The following ADAR variants were observed in gnomAD, a reference collection of about 807,000 sequenced individuals.
ADAR encodes double-stranded RNA-specific adenosine deaminase.
ADAR carries 41 observed loss-of-function variants against 113.2 expected under a neutral mutation model. The ratio of observed to expected loss-of-function variants is 0.36; its 90% CI spans 0.28 to 0.47. ADAR has a LOEUF of 0.47. ADAR is among the 20% of genes least tolerant of loss of function. ADAR has a pLI of 1.00. For missense variants in ADAR, 1,242 were observed against 1,540.9 expected (o/e 0.81, Z 3.25); for synonymous variants, 605 against 572.6 (o/e 1.06, Z -0.81).
chr1:154,591,048 T>C (rs145821749), intron 6 of ADAR, among the ~76,000 whole-genome samples: 1 of 152,190 alleles, frequency 6.6e-6, no homozygotes, highest in African/African-American at 2.4e-5. Flanking sequence ...ATAGGAAACT[T>C]TGTTTCACTA....
intron 1 of ADAR, among the ~76,000 whole-genome samples, chr1:154,620,380 T>C (rs1350127535): frequency 1.5e-4 from 22 of 151,406 alleles, no homozygotes. Context: ...CACTCCAGCC[T>C]GGGTAACAGA....
Position 154,582,935 on chromosome 1 carries a change from T to C in ADAR, c.*1871A>G, listed in dbSNP as rs1228582826. The C allele has an allele frequency of 6.6e-6, 1 of 152,262 alleles. No individual in the cohort carries two copies. 9.4% of individuals were successfully genotyped at this position (152,262 alleles called of 1,614,324 possible). On this transcript the variant is annotated 3_prime_UTR_variant, in exon 15 of 15. Transcript: ENST00000368474. ...CCAGTTCCTTGGGATGCTTTGGTGT[T>C]CTGCAAAGGCATCCTTAGTCTATTT... is the stretch of plus-strand genomic sequence containing the variant.
chr1:154,615,812 A>G (rs1211241503), intron 1 of ADAR, among the ~76,000 whole-genome samples: 1 of 152,222 alleles, frequency 6.6e-6, no homozygotes, highest in East Asian at 1.9e-4. Context: ...CTAGGAAGAT[A>G]CCATTAATTT....
intron 1 of ADAR, among the ~76,000 whole-genome samples, chr1:154,604,815 C>A (rs1171455625): frequency 6.6e-6 from 1 of 152,212 alleles, no homozygotes; most frequent in Non-Finnish European, 1.5e-5. Context: ...ACTGCCCCAA[C>A]CTAAACTAGC....
intron 1 of ADAR, among the ~76,000 whole-genome samples, chr1:154,623,447 G>C (rs1280928874): frequency 6.6e-6 from 1 of 152,162 alleles, no homozygotes. Context: ...ACACATGTAA[G>C]CACACATGTG....
chr1:154,597,463 A>G (rs1697576638), intron 4 of ADAR, among the ~76,000 whole-genome samples, 196 bp from the exon 5 acceptor site: 1 of 152,040 alleles, frequency 6.6e-6, no homozygotes, highest in South Asian at 2.1e-4. Flanking sequence ...TTCAACATTT[A>G]AGCATCAACC....
chr1:154,585,778 T>C lies in ADAR; in HGVS notation c.3290A>G (p.His1097Arg), dbSNP rs745351666. Residue 1097 changes from histidine to arginine, a missense_variant, in exon 13 of 15, where the codon CAT (histidine) becomes CGT (arginine). This residue lies in a region of ADAR where 780 missense variants were observed against 1,057.9 expected (regional missense o/e 0.74). Coordinates refer to ENST00000368474, the MANE Select transcript of ADAR (RefSeq NM_001111.5). ...CTTGGGGTGGTTGACAATAAAGGGATGTCGTAGTCCATCCTCAAATGCACT... is the reference window on the plus strand; with the variant it reads ...CTTGGGGTGGTTGACAATAAAGGGACGTCGTAGTCCATCCTCAAATGCACT... ...DGSAFEDGLR[H>R]PFIVNHPKVG... 4 of 1,613,928 alleles carry C rather than the reference T, an allele frequency of 2.5e-6. No individual in the cohort carries two copies. The South Asian group carries it at 4.4e-5, about 18-fold the overall frequency.
chr1:154,585,830 T>G lies in ADAR; in HGVS notation c.3238A>C (p.Ile1080Leu), dbSNP rs770037708. 2 of 1,613,978 alleles carry G rather than the reference T, an allele frequency of 1.2e-6. No homozygotes were observed. Among genetic ancestry groups the G allele is most frequent in the Non-Finnish European group, 1.7e-6 (2 of 1,179,968 alleles). Reference protein sequence around the residue: ...LFSQGHLTRAICCRVTRDGSA... With the variant: ...LFSQGHLTRALCCRVTRDGSA... ...CCATCTCTTGTCACACGACAGCAAA[T>G]AGCACGGGTCAGATGCCCTTGGCTG... The change falls in exon 13 of 15, where the codon ATT (isoleucine) becomes CTT (leucine). Residue 1080 changes from isoleucine to leucine, a missense_variant. Ile to Leu is a conservative substitution (Grantham distance 5, BLOSUM62 2). Around this residue, in one of 2 missense-constraint regions of ADAR, gnomAD observed 780 missense variants for 1,057.9 expected, o/e 0.74. Coordinates refer to ENST00000368474, the MANE Select transcript of ADAR (RefSeq NM_001111.5).
At chr1:154,586,486 AGCCCCTGCTAT>A (rs1368198442) in intron 11 of ADAR, 123 bp from the exon 12 acceptor site, 22 of 1,027,620 alleles carry the variant, frequency 2.1e-5, no homozygotes, top group Non-Finnish European at 2.9e-5. Flanking sequence ...CATATTTCAC[AGCCCCTGCTAT>A]GCGCCAGGCA....
chr1:154,614,041 A>G (rs183625059), intron 1 of ADAR, among the ~76,000 whole-genome samples: 2 of 152,324 alleles, frequency 1.3e-5, no homozygotes, highest in East Asian at 3.9e-4. Context: ...TTTATCAACT[A>G]GCTATATGTG....
intron 1 of ADAR, among the ~76,000 whole-genome samples, chr1:154,604,742 CA>C (rs1698088339): frequency 6.6e-6 from 1 of 152,088 alleles, no homozygotes; most frequent in Non-Finnish European, 1.5e-5. Context: ...TTTATATAAT[CA>C]GTCTCCAAGG....
Position 154,583,209 on chromosome 1 carries a change from G to A in ADAR, c.*1597C>T, listed in dbSNP as rs1696520538. ...TCCTCCTGAGTGTGTCTAGCTGACT[G>A]TTATCGAGGGACACGTAAAAGCAGC... On this transcript the variant is annotated 3_prime_UTR_variant, in exon 15 of 15. Transcript: ENST00000368474. 6.6e-6 allele frequency: 1 copy of A among 152,196 alleles called. No individual in the cohort carries two copies. Among genetic ancestry groups the A allele is most frequent in the East Asian group, 1.9e-4 (1 of 5,196 alleles). 9.4% of individuals were successfully genotyped at this position (152,196 alleles called of 1,614,324 possible). A position where few individuals can be genotyped will look rare whatever the true frequency, so the allele number is the denominator to read the frequency against.
chr1:154,601,190 A>C lies in ADAR; in HGVS notation c.1452T>G (p.Ser484Arg), dbSNP rs1230410132. 1 of 1,614,066 alleles carries C rather than the reference A, an allele frequency of 6.2e-7. No individual in the cohort carries two copies. The highest frequency in any genetic ancestry group is 1.3e-5 in the African/African-American group (1 of 74,920). Residue 484 changes from serine to arginine, a missense_variant, in exon 2 of 15, where the codon AGT becomes AGG. By Grantham distance (110) the Ser-to-Arg change is moderately radical (BLOSUM62 -1). This residue lies in a region of ADAR where 780 missense variants were observed against 1,057.9 expected (regional missense o/e 0.74). Coordinates refer to ENST00000368474, the MANE Select transcript of ADAR (RefSeq NM_001111.5). The surrounding 1 kb of genome is among the most constrained non-coding windows in gnomAD (Gnocchi z 4.7). ...AGGGTGAACACCGTGGCAAGCCATG[A>C]CTGTAGAAGGAGGGCATCTCCATGA... ...RAIMEMPSFY[S>R]HGLPRCSPYK...
rs2101567155 is a variant in ADAR, at chr1:154,586,381, G to A, written c.3020-18C>T. 2 of 1,613,320 alleles carry A rather than the reference G, an allele frequency of 1.2e-6. No individual in the cohort carries two copies. Among genetic ancestry groups the A allele is most frequent in the South Asian group, 1.1e-5 (1 of 91,004 alleles). ...GCCTTCTCCTGTGTGAGAGACTTGG[G>A]TCAGACCCACAGGCGCCAATGGACC... On this transcript the variant is annotated intron_variant, in intron 11 of 14. Transcript: ENST00000368474.
At chr1:154,609,430 G>A (rs1280478490), upstream of ADAR, among the ~76,000 whole-genome samples, 4 of 152,184 alleles carry the variant, frequency 2.6e-5, no homozygotes, top group Non-Finnish European at 5.9e-5. Context: ...CTTTATAGCA[G>A]TATCTCCAGC....
intron 3 of ADAR, 90 bp downstream of exon 3, chr1:154,598,312 T>C (rs1052583975): frequency 2.1e-6 from 3 of 1,406,546 alleles, no homozygotes; most frequent in Non-Finnish European, 3.0e-6. Flanking sequence ...ATGGTGTCAG[T>C]TGTTTAGGCT....
upstream of ADAR, among the ~76,000 whole-genome samples, chr1:154,610,023 T>G (rs1698432631): frequency 6.6e-6 from 1 of 152,152 alleles, no homozygotes; most frequent in African/African-American, 2.4e-5. Context: ...GCAAAAACAA[T>G]CGAAAGACAA....
chr1:154,625,733 G>A (rs941442610), intron 1 of ADAR, among the ~76,000 whole-genome samples: 7 of 151,780 alleles, frequency 4.6e-5, no homozygotes, highest in African/African-American at 1.5e-4. Flanking sequence ...GGCCAGGCAC[G>A]GTGGCTCATA....
chr1:154,587,957 A>C (rs576066100), intron 11 of ADAR, among the ~76,000 whole-genome samples, 168 bp downstream of exon 11: 1 of 152,280 alleles, frequency 6.6e-6, no homozygotes, highest in South Asian at 2.1e-4. Context: ...TCAAAATAGA[A>C]CCCTGATCTT....
Sources: allele counts gnomAD v4.1 joint callset (sites outside exome capture counted in the v4.1 genomes callset), GRCh38; gene constraint gnomAD v4.1.1; regional missense constraint gnomAD v4.1.1; non-coding constraint Gnocchi (gnomAD v3.1); transcripts MANE v1.5; gene names NCBI Gene and HGNC (gene_info 2026-07-23, HGNC 2026-07-21).